Variants in AP5Z1 observed in about 807,000 individuals in gnomAD.
AP5Z1 encodes adaptor related protein complex 5 subunit zeta 1.
In AP5Z1, 106 loss-of-function variants were observed where a neutral mutation model predicts 83.0. The ratio of observed to expected loss-of-function variants is 1.28; its 90% CI spans 1.09 to 1.50. The LOEUF is 1.50. Among genes scored for constraint, AP5Z1 ranks in the 40% most tolerant of loss-of-function variants. The pLI is 0.00. For synonymous variants in AP5Z1, 751 were observed against 514.1 expected, an observed-to-expected ratio of 1.46 and a Z score of -6.23; for missense variants, 1,565 against 1,094.2, an observed-to-expected ratio of 1.43 and a Z score of -6.07.
Position 4,781,770 on chromosome 7 carries a change from C to G in AP5Z1, c.366+16C>G. 1.3e-6 allele frequency: 2 copies of G among 1,536,950 alleles called. No individual in the cohort carries two copies. The highest frequency in any genetic ancestry group is 1.8e-6 in the Non-Finnish European group (2 of 1,133,538). On this transcript the variant is annotated intron_variant, in intron 3 of 16. Transcript: ENST00000649063. ...CTTGGCCCAGGTAGCGCAGCAGTCA[C>G]CACCCCAGTTGGCACCGGATGGCTG...
intron 15 of AP5Z1, 25 bp from the exon 16 acceptor site, chr7:4,790,648 G>A (rs765281368): frequency 3.7e-6 from 6 of 1,612,164 alleles, no homozygotes; most frequent in Admixed American, 3.3e-5. Context: ...CTGGGTGGGG[G>A]CTGAATCTCT....
chr7:4,782,358 C>T (rs1384844814), intron 3 of AP5Z1, among the ~76,000 whole-genome samples: 1 of 152,300 alleles, frequency 6.6e-6, no homozygotes, highest in Non-Finnish European at 1.5e-5. Context: ...GTGTCGGGAG[C>T]AGGCCTGGGC....
Position 4,790,903 on chromosome 7 carries a change from G to A in AP5Z1, c.2153+16G>A, listed in dbSNP as rs750098052. ...TGATCCCCAGGTGCCTGGTCAGGGA[G>A]GGAGCGAAGCCTTCTGGCTCCTGGG... On this transcript the variant is annotated intron_variant, in intron 16 of 16. Transcript: ENST00000649063. 2 of 1,582,222 alleles carry A rather than the reference G, an allele frequency of 1.3e-6. No homozygotes were observed. Among genetic ancestry groups the A allele is most frequent in the Non-Finnish European group, 8.6e-7 (1 of 1,164,910 alleles).
At chr7:4,780,445 C>T (rs1168124357) in intron 1 of AP5Z1, among the ~76,000 whole-genome samples, 1 of 151,002 alleles carries the variant, frequency 6.6e-6, no homozygotes, top group Admixed American at 6.6e-5. Flanking sequence ...ATGGTGAAAC[C>T]CCGTCTCTAC....
chr7:4,781,108 G>A, intron 1 of AP5Z1, 67 bp from the exon 2 acceptor site: 2 of 1,575,790 alleles, frequency 1.3e-6, no homozygotes, highest in South Asian at 1.2e-5. Flanking sequence ...CCTGCTCCAA[G>A]GGTTATCCTT....
At chr7:4,784,815 T>A (rs1781488024) in intron 6 of AP5Z1, 93 bp from the exon 7 acceptor site, 8 of 1,470,608 alleles carry the variant, frequency 5.4e-6, no homozygotes, top group Non-Finnish European at 7.3e-6. Flanking sequence ...GGCTGCGGCC[T>A]GTGCTCTCCT....
rs764310871 is a variant in AP5Z1 at position 4,791,347 on chromosome 7, C to G, written c.2386C>G (p.Arg796Gly). The stretch of plus-strand genomic sequence containing the variant: ...GCCCCTGGCCCTGCGCACGGTCAGC[C>G]GGCTGGTGGAGAGGGAGGCCGGCCT... ...ALPLALRTVS[R>G]LVEREAGLMP... The change falls in exon 17 of 17, where the codon CGG becomes GGG. Residue 796 changes from arginine to glycine, a missense_variant. Physicochemically the swap from Arg to Gly is moderately radical, Grantham distance 125. Coordinates refer to ENST00000649063, the MANE Select transcript of AP5Z1 (RefSeq NM_014855.3). The G allele has an allele frequency of 5.0e-6, 8 of 1,608,894 alleles. No homozygotes were observed. The highest frequency in any genetic ancestry group is 1.1e-5 in the South Asian group (1 of 90,320).
In AP5Z1 at chr7:4,788,314, G is replaced by C. The variant is rs768499922; in HGVS notation, c.1595+20G>C. 90 of 1,560,720 alleles carry C rather than the reference G, an allele frequency of 5.8e-5. No individual in the cohort carries two copies. The highest frequency in any genetic ancestry group is 7.5e-5 in the Non-Finnish European group (86 of 1,152,608). ...TGAGAGGTACGGGGCCCTAGGGCCA[G>C]GGGGCCACCAGTGGCTCAGAGAGCC... On this transcript the variant is annotated intron_variant, in intron 12 of 16. Transcript: ENST00000649063.
In AP5Z1 at chr7:4,781,606, T is replaced by G. The variant is rs373276294; in HGVS notation, c.218T>G (p.Leu73Arg). ...KTCVDLLQATLGLPACPEQLQ... is the reference protein window; with the variant it reads ...KTCVDLLQATRGLPACPEQLQ... ...TGCGTAGACCTGCTGCAGGCCACCCTCGGCCTGCCTGCATGCCCCGAGCAG... is the reference window on the plus strand; with the variant it reads ...TGCGTAGACCTGCTGCAGGCCACCCGCGGCCTGCCTGCATGCCCCGAGCAG... Residue 73 changes from leucine to arginine, a missense_variant, in exon 3 of 17, where the codon CTC (leucine) becomes CGC (arginine). Coordinates refer to ENST00000649063, the MANE Select transcript of AP5Z1 (RefSeq NM_014855.3). The G allele has an allele frequency of 4.2e-5, 68 of 1,609,908 alleles. No homozygotes were observed. Among genetic ancestry groups the G allele is most frequent in the Non-Finnish European group, 5.2e-5 (61 of 1,177,744 alleles).
Position 4,791,272 on chromosome 7 carries a change from A to G in AP5Z1, c.2311A>G (p.Ser771Gly), listed in dbSNP as rs370921854. ...CGTGGCCCAGTTTGTGCTCACACCC[A>G]GCACGGAGGTGTGCAGCCCCCGCTA... ...PSVAQFVLTP[S>G]TEVCSPRYHR... The change falls in exon 17 of 17, where the codon AGC (serine) becomes GGC (glycine). Residue 771 changes from serine (S) to glycine (G), a missense_variant. Ser to Gly is a moderately conservative substitution (Grantham distance 56). Coordinates refer to ENST00000649063, the MANE Select transcript of AP5Z1 (RefSeq NM_014855.3). The G allele has an allele frequency of 6.2e-7, 1 of 1,612,700 alleles. No individual in the cohort carries two copies. The highest frequency in any genetic ancestry group is 8.5e-7 in the Non-Finnish European group (1 of 1,179,868).
rs751537911 is a variant in AP5Z1, at chr7:4,788,234, C to T, written c.1535C>T (p.Pro512Leu). The change falls in exon 12 of 17, where the codon CCG becomes CTG. Residue 512 changes from proline (P) to leucine (L), a missense_variant. By Grantham distance (98) the Pro-to-Leu change is moderately conservative (BLOSUM62 -3). Transcript: ENST00000649063. Reference protein sequence around the residue: ...APSCLEAFRDPQFQGLFQYLL... With the variant: ...APSCLEAFRDLQFQGLFQYLL... ...AGCTGCCTGGAGGCCTTCCGGGACC[C>T]GCAGTTCCAGGGTCTTTTCCAATAC... The T allele has an allele frequency of 1.0e-5, 16 of 1,578,566 alleles. No homozygotes were observed. Among genetic ancestry groups the T allele is most frequent in the South Asian group, 2.3e-5 (2 of 86,204 alleles).
In AP5Z1 at chr7:4,787,429, T is replaced by G. The variant is rs112199778; in HGVS notation, c.1312-205T>G. 0.064 allele frequency among the ~76,000 whole-genome samples: 9,708 copies of G among 152,066 alleles called. 636 individuals are homozygous for G. Among genetic ancestry groups the G allele is most frequent in the African/African-American group, 0.16 (6,828 of 41,462 alleles). The stretch of plus-strand genomic sequence containing the variant: ...TGAGCCTGGGAGGTTGAGGTTGCAG[T>G]GAGCTATGATTGCACCACTGCACTC... On this transcript the variant is annotated intron_variant, in intron 10 of 16. Coordinates refer to ENST00000649063, the MANE Select transcript of AP5Z1 (RefSeq NM_014855.3).
At chr7:4,790,236 C>G (rs1220012806) in intron 14 of AP5Z1, 12 of 1,549,248 alleles carry the variant, frequency 7.7e-6, no homozygotes, top group Non-Finnish European at 1.0e-5. Context: ...CAGGCCCATC[C>G]TGGTTCCACT....
rs1351038274 is a variant in AP5Z1 at position 4,793,922 on chromosome 7, A to C, written c.*2537A>C. The C allele has an allele frequency of 1.3e-5, 2 of 152,656 alleles. No individual in the cohort carries two copies. The highest frequency in any genetic ancestry group is 4.8e-5 in the African/African-American group (2 of 41,476). The allele number at this position is 152,656 out of a possible 1,614,324, so 9.5% of individuals were successfully genotyped here. On this transcript the variant is annotated 3_prime_UTR_variant, in exon 17 of 17. Transcript: ENST00000649063. The stretch of plus-strand genomic sequence containing the variant: ...GCAGCTCTACCTGCAGCCCCTGTGC[A>C]GGATCCACTGGGTGAAAGCCAGCTG...
At chr7:4,787,379 A>G (rs972184829) in intron 10 of AP5Z1, among the ~76,000 whole-genome samples, 12 of 152,094 alleles carry the variant, frequency 7.9e-5, no homozygotes, top group African/African-American at 2.9e-4. Context: ...TCAGCTGCTC[A>G]GGAGGCTGAG....
At chr7:4,790,979 G>C in intron 16 of AP5Z1, 92 bp downstream of exon 16, 1 of 1,474,016 alleles carries the variant, frequency 6.8e-7, no homozygotes, top group Non-Finnish European at 9.0e-7. Context: ...TGAAATGGTC[G>C]CAGCAGCGCA....
rs1781649835 is a variant in AP5Z1 at position 4,788,898 on chromosome 7, T to C, written c.1654T>C (p.Cys552Arg). ...GGCCGGCTGTGCCCGCGTGGCCCAG[T>C]GTGCCCAGGCCGTGCCCACGCTGCT... ...PMAGCARVAQ[C>R]AQAVPTLLQA... Residue 552 changes from cysteine (C) to arginine (R), a missense_variant, in exon 13 of 17, where the codon TGT becomes CGT. Transcript: ENST00000649063. 1.2e-6 allele frequency: 2 copies of C among 1,611,242 alleles called. No homozygotes were observed. Among genetic ancestry groups the C allele is most frequent in the Non-Finnish European group, 1.7e-6 (2 of 1,179,426 alleles).
chr7:4,783,943 G>A (rs2115108210), intron 5 of AP5Z1, 145 bp downstream of exon 5: 3 of 987,044 alleles, frequency 3.0e-6, no homozygotes, highest in East Asian at 2.6e-5. Flanking sequence ...CTTGGGTCAG[G>A]CAGGGCCACA....
Position 4,775,736 on chromosome 7 carries a change from G to A in AP5Z1, c.21G>A (p.Glu7=). Residue 7 remains glutamate, a synonymous_variant, in exon 1 of 17, where the codon GAG becomes GAA. Coordinates refer to ENST00000649063, the MANE Select transcript of AP5Z1 (RefSeq NM_014855.3). ...GCGTGATGTTCTCGGCAGGAGCGGAGAGTTTGCTCCACCAGGCCAGGTACG... is the reference window on the plus strand; with the variant it reads ...GCGTGATGTTCTCGGCAGGAGCGGAAAGTTTGCTCCACCAGGCCAGGTACG... The part of the protein sequence containing the change: MFSAGA[E]SLLHQAREIQ... The A allele has an allele frequency of 6.2e-7, 1 of 1,606,042 alleles. No homozygotes were observed. Among genetic ancestry groups the A allele is most frequent in the Non-Finnish European group, 8.5e-7 (1 of 1,179,716 alleles).
Sources: allele counts gnomAD v4.1 joint callset (sites outside exome capture counted in the v4.1 genomes callset), GRCh38; gene constraint gnomAD v4.1.1; transcripts MANE v1.5; gene names NCBI Gene and HGNC (gene_info 2026-07-23, HGNC 2026-07-21).